SF3B6: variants seen among roughly 807,000 people sequenced by gnomAD.
The protein encoded by SF3B6 is SF3b 14 kDa subunit.
In SF3B6, 3 loss-of-function variants were observed where a neutral mutation model predicts 15.9. That is an observed-to-expected ratio of 0.19 (90% CI 0.09 to 0.49). The LOEUF (loss-of-function observed/expected upper bound fraction) is 0.49. Ranked by LOEUF, SF3B6 falls within the 20% of genes least tolerant of loss-of-function variation. The probability of loss-of-function intolerance (pLI) is 0.97; values close to 1 mark genes in which losing one functional copy is unlikely to be tolerated. For synonymous variants in SF3B6, 49 were observed against 51.1 expected, an observed-to-expected ratio of 0.96 and a Z score of 0.18; for missense variants, 71 against 154.3, an observed-to-expected ratio of 0.46 and a Z score of 2.86.
rs368219315 is a variant in SF3B6 at position 24,067,844 on chromosome 2, T to C, written c.296A>G (p.Gln99Arg). The stretch of plus-strand genomic sequence containing the variant: ...CTCCTTCTTCTTTGTGTCCATCTTC[T>C]GAAATGCCTGGAAATGTGGTAAGCA... ...VLYYNANRAFQKMDTKKKEEQ... is the reference protein window; with the variant it reads ...VLYYNANRAFRKMDTKKKEEQ... Residue 99 changes from glutamine to arginine, a missense_variant, in exon 4 of 4, where the codon CAG becomes CGG. Coordinates refer to ENST00000233468, the MANE Select transcript of SF3B6 (RefSeq NM_016047.4). 1 of 1,613,828 alleles carries C rather than the reference T, an allele frequency of 6.2e-7. No individual in the cohort carries two copies. The highest frequency in any genetic ancestry group is 8.5e-7 in the Non-Finnish European group (1 of 1,179,938).
At chr2:24,076,061 T>C (rs1048354181) in intron 1 of SF3B6, 139 bp downstream of exon 1, 51 of 1,094,846 alleles carry the variant, frequency 4.7e-5, no homozygotes, top group East Asian at 4.0e-4. Context: ...TGGGGCCGGA[T>C]AGTGTCTTCG....
chr2:24,076,112 G>C (rs1664741658), intron 1 of SF3B6, 88 bp downstream of exon 1: 4 of 1,522,630 alleles, frequency 2.6e-6, no homozygotes, highest in Admixed American at 1.7e-5. Context: ...CTCTGGGGAC[G>C]GAGGAGGAGC....
At chr2:24,071,610 AAAG>A (rs1664652390) in intron 2 of SF3B6, among the ~76,000 whole-genome samples, 1 of 152,190 alleles carries the variant, frequency 6.6e-6, no homozygotes, top group Non-Finnish European at 1.5e-5. Context: ...CATCTTAAAA[AAAG>A]AAATGTTTCA....
chr2:24,072,780 G>A (rs1393759163), intron 2 of SF3B6, among the ~76,000 whole-genome samples: 1 of 152,076 alleles, frequency 6.6e-6, no homozygotes, highest in Admixed American at 6.6e-5. Context: ...AAAAAGCTAG[G>A]CAACTAGTCA....
intron 1 of SF3B6, among the ~76,000 whole-genome samples, chr2:24,075,716 TA>T (rs1664732379): frequency 6.6e-6 from 1 of 151,918 alleles, no homozygotes; most frequent in African/African-American, 2.4e-5. Flanking sequence ...ATTCAATAAA[TA>T]TAATTGATGA....
chr2:24,073,565 TG>T (rs1253153745), intron 2 of SF3B6: 2 of 152,336 alleles, frequency 1.3e-5, no homozygotes, highest in African/African-American at 4.8e-5. Flanking sequence ...TGTAATTAGA[TG>T]TTTTCCTCTA....
At chr2:24,068,024 G>A (rs1401083173) in intron 3 of SF3B6, among the ~76,000 whole-genome samples, 173 bp from the exon 4 acceptor site, 1 of 152,076 alleles carries the variant, frequency 6.6e-6, no homozygotes, top group African/African-American at 2.4e-5. Context: ...GTGCAGTGGC[G>A]TGATCTTGGC....
chr2:24,069,729 T>C (rs376401627), intron 2 of SF3B6, among the ~76,000 whole-genome samples: 1 of 152,112 alleles, frequency 6.6e-6, no homozygotes, highest in African/African-American at 2.4e-5. Flanking sequence ...TGAAAAGGAA[T>C]AGGGTACTGG....
intron 2 of SF3B6, among the ~76,000 whole-genome samples, chr2:24,071,434 A>T (rs1664650265): frequency 6.6e-6 from 1 of 151,498 alleles, no homozygotes; most frequent in Non-Finnish European, 1.5e-5. Context: ...GTGAAACCCC[A>T]TCTCTACTAA....
intron 2 of SF3B6, among the ~76,000 whole-genome samples, chr2:24,070,239 C>T (rs982342304): frequency 6.6e-6 from 1 of 152,166 alleles, no homozygotes; most frequent in African/African-American, 2.4e-5. Flanking sequence ...ACTGAGCTAA[C>T]ATTATTTTCT....
chr2:24,074,280 T>TA (rs773114357), intron 1 of SF3B6, 86 bp from the exon 2 acceptor site: 111 of 656,884 alleles, frequency 1.7e-4, no homozygotes, highest in Non-Finnish European at 1.9e-4. Flanking sequence ...AGGGGCATTT[T>TA]AAAAAATTCT....
At chr2:24,074,215 T>G (rs1211779122) in intron 1 of SF3B6, 21 bp from the exon 2 acceptor site, 1 of 1,322,418 alleles carries the variant, frequency 7.6e-7, no homozygotes, top group African/African-American at 1.5e-5. Flanking sequence ...AAATACGTAT[T>G]GTTATTATAA....
In SF3B6 at chr2:24,074,189, T is replaced by C; in HGVS notation, c.36A>G (p.Arg12=). 1 of 1,555,990 alleles carries C rather than the reference T, an allele frequency of 6.4e-7. No individual in the cohort carries two copies. Among genetic ancestry groups the C allele is most frequent in the South Asian group, 1.1e-5 (1 of 88,502 alleles). ...AMQAAKRANI[R]LPPEVNRILY... ...ATATCCGATTTACTTCAGGTGGAAGTCGAATCTAAAATGAGAAATACGTAT... is the reference window on the plus strand; with the variant it reads ...ATATCCGATTTACTTCAGGTGGAAGCCGAATCTAAAATGAGAAATACGTAT... Residue 12 remains arginine, a synonymous_variant, in exon 2 of 4, where the codon CGA becomes CGG. Transcript: ENST00000233468.
chr2:24,068,786 C>T (rs1158921808), intron 2 of SF3B6, among the ~76,000 whole-genome samples: 1 of 152,224 alleles, frequency 6.6e-6, no homozygotes, highest in Non-Finnish European at 1.5e-5. Context: ...GTTGTGGGGA[C>T]TACAGGTGCT....
intron 1 of SF3B6, among the ~76,000 whole-genome samples, chr2:24,075,231 CT>C (rs1487380695): frequency 1.3e-5 from 2 of 152,160 alleles, no homozygotes; most frequent in Non-Finnish European, 2.9e-5. Flanking sequence ...CTTCCACCAT[CT>C]TTTCACCCCA....
intron 2 of SF3B6, among the ~76,000 whole-genome samples, chr2:24,069,405 T>G (rs575531178): frequency 6.6e-5 from 10 of 152,144 alleles, no homozygotes; most frequent in Non-Finnish European, 1.3e-4. Flanking sequence ...GTAGAGAAGT[T>G]TGAGGAGCAA....
intron 2 of SF3B6, among the ~76,000 whole-genome samples, chr2:24,073,139 G>T (rs780514459): frequency 1.3e-5 from 2 of 152,216 alleles, no homozygotes; most frequent in Non-Finnish European, 2.9e-5. Flanking sequence ...TCATTCAAAA[G>T]GAGGGTCCTC....
chr2:24,068,735 G>A (rs768682208), intron 2 of SF3B6, among the ~76,000 whole-genome samples: 10 of 152,178 alleles, frequency 6.6e-5, no homozygotes, highest in Non-Finnish European at 1.3e-4. Flanking sequence ...GTCACATCAG[G>A]AATACTAAGA....
At chr2:24,072,280 C>G (rs1664668789) in intron 2 of SF3B6, among the ~76,000 whole-genome samples, 1 of 152,202 alleles carries the variant, frequency 6.6e-6, no homozygotes, top group Non-Finnish European at 1.5e-5. Context: ...GCCACCACAT[C>G]TGGCCTATTC....
Sources: gnomAD v4.1 joint callset for allele counts (sites outside exome capture counted in the v4.1 genomes callset) on GRCh38, gnomAD v4.1.1 for gene constraint, MANE v1.5 for transcripts, NCBI Gene and HGNC (gene_info 2026-07-23, HGNC 2026-07-21) for gene names.